The following KCNIP4 variants were observed in gnomAD, a reference collection of about 807,000 sequenced individuals.
KCNIP4 encodes the protein potassium voltage-gated channel interacting protein 4.
A neutral mutation model predicts 34.0 loss-of-function variants in KCNIP4; 12 were observed. The observed-to-expected ratio is 0.35, with a 90% CI of 0.23 to 0.57. KCNIP4 has a LOEUF of 0.57. Ranked by LOEUF, KCNIP4 falls within the 20% of genes least tolerant of loss-of-function variation. The probability of loss-of-function intolerance (pLI) is 0.83; values close to 1 mark genes in which losing one functional copy is unlikely to be tolerated. For synonymous variants in KCNIP4, 124 were observed against 102.2 expected, an observed-to-expected ratio of 1.21 and a Z score of -1.29; for missense variants, 238 against 311.7, an observed-to-expected ratio of 0.76 and a Z score of 1.78.
chr4:21,761,417 T>C (rs1718044251), intron 1 of KCNIP4, among the ~76,000 whole-genome samples: 1 of 152,140 alleles, frequency 6.6e-6, no homozygotes, highest in Non-Finnish European at 1.5e-5. Context: ...GAATTATTTG[T>C]AATTATTCAA....
At chr4:21,782,054 AAAAT>A (rs1719607540) in intron 1 of KCNIP4, among the ~76,000 whole-genome samples, 1 of 150,678 alleles carries the variant, frequency 6.6e-6, no homozygotes, top group Non-Finnish European at 1.5e-5. Context: ...GAGAGAGAGA[AAAAT>A]AAAAAAGCAA....
intron 1 of KCNIP4, among the ~76,000 whole-genome samples, chr4:21,826,652 T>C (rs1370902115): frequency 1.3e-5 from 2 of 152,066 alleles, no homozygotes; most frequent in Non-Finnish European, 2.9e-5. Context: ...GTGAAAAAAA[T>C]AAAGACAAAT....
At chr4:21,452,043 C>T (rs925770216) in intron 1 of KCNIP4, among the ~76,000 whole-genome samples, 6 of 152,012 alleles carry the variant, frequency 3.9e-5, no homozygotes, top group African/African-American at 7.3e-5. Flanking sequence ...TTTCTTCCCC[C>T]CCAACTCCGC....
At chr4:21,786,229 G>C (rs1300375307) in intron 1 of KCNIP4, among the ~76,000 whole-genome samples, 1 of 152,190 alleles carries the variant, frequency 6.6e-6, no homozygotes, top group African/African-American at 2.4e-5. Context: ...TTACAGGCCT[G>C]AGCCACCATG....
intron 1 of KCNIP4, among the ~76,000 whole-genome samples, chr4:21,158,910 A>G (rs1362153273): frequency 6.6e-6 from 1 of 152,216 alleles, no homozygotes; most frequent in Admixed American, 6.5e-5. Flanking sequence ...AAATAATTGC[A>G]TGCAGTGAGA....
chr4:21,121,909 AG>A (rs1459971431), intron 1 of KCNIP4, among the ~76,000 whole-genome samples: 2 of 152,220 alleles, frequency 1.3e-5, no homozygotes, highest in African/African-American at 4.8e-5. Context: ...GTTAAATTGG[AG>A]GCAATGGCCA....
At chr4:21,156,751 A>C (rs1753170717) in intron 1 of KCNIP4, among the ~76,000 whole-genome samples, 1 of 152,132 alleles carries the variant, frequency 6.6e-6, no homozygotes, top group Non-Finnish European at 1.5e-5. Flanking sequence ...TTTTTATATA[A>C]ATTTGTAAAA....
intron 1 of KCNIP4, among the ~76,000 whole-genome samples, chr4:21,247,789 C>CACCACAGGTGGATATATATATATATATAT (rs1760369519): frequency 1.2e-5 from 1 of 86,226 alleles, no homozygotes; most frequent in Non-Finnish European, 2.1e-5. Flanking sequence ...TATATATATA[C>CACCACAGGTGGATATATATATATATATAT]ACCACAGGTG....
intron 1 of KCNIP4, among the ~76,000 whole-genome samples, chr4:21,247,735 G>GATATAT (rs58465908): frequency 0.017 from 1,037 of 61,324 alleles, 31 homozygotes; most frequent in Non-Finnish European, 0.022. Flanking sequence ...TCCACAGGTG[G>GATATAT]ATATATATAT....
intron 1 of KCNIP4, among the ~76,000 whole-genome samples, chr4:21,856,482 G>A (rs965050923): frequency 7.2e-5 from 11 of 152,218 alleles, no homozygotes; most frequent in African/African-American, 2.7e-4. Context: ...CCACCATGGA[G>A]TCAGCAAAAG....
At chr4:21,335,150 GT>G (rs1716051830) in intron 1 of KCNIP4, among the ~76,000 whole-genome samples, 1 of 151,622 alleles carries the variant, frequency 6.6e-6, no homozygotes, top group Non-Finnish European at 1.5e-5. Flanking sequence ...ACACAATTTA[GT>G]AGGAAAAAAA....
intron 1 of KCNIP4, among the ~76,000 whole-genome samples, chr4:20,890,964 C>T (rs1328340122): frequency 6.6e-6 from 1 of 152,098 alleles, no homozygotes; most frequent in Non-Finnish European, 1.5e-5. Flanking sequence ...CAGGAAATGC[C>T]ATCACATGTC....
chr4:21,345,574 C>T (rs1339973428), intron 1 of KCNIP4, among the ~76,000 whole-genome samples: 2 of 152,038 alleles, frequency 1.3e-5, no homozygotes, highest in East Asian at 1.9e-4. Flanking sequence ...AATGGAAACA[C>T]TTTTTAATAA....
At chr4:21,822,811 G>A (rs946626608) in intron 1 of KCNIP4, among the ~76,000 whole-genome samples, 4 of 149,106 alleles carry the variant, frequency 2.7e-5, no homozygotes, top group African/African-American at 7.4e-5. Flanking sequence ...TCTGCCTTCC[G>A]GTTTCAAGAG....
intron 1 of KCNIP4, among the ~76,000 whole-genome samples, chr4:21,726,552 G>A (rs1226671368): frequency 6.6e-6 from 1 of 152,158 alleles, no homozygotes; most frequent in African/African-American, 2.4e-5. Flanking sequence ...GGAGAACATT[G>A]TCATTTAGGC....
At chr4:21,249,141 A>T (rs1224715619) in intron 1 of KCNIP4, among the ~76,000 whole-genome samples, 1 of 152,128 alleles carries the variant, frequency 6.6e-6, no homozygotes, top group African/African-American at 2.4e-5. Context: ...AACAGTAAGA[A>T]GGGGGCTAAT....
At chr4:21,036,795 C>A (rs2149772309) in intron 1 of KCNIP4, among the ~76,000 whole-genome samples, 1 of 152,322 alleles carries the variant, frequency 6.6e-6, no homozygotes, top group South Asian at 2.1e-4. Flanking sequence ...AAAGAATACT[C>A]ATGCAATGCA....
intron 1 of KCNIP4, among the ~76,000 whole-genome samples, chr4:21,288,178 C>T (rs559369871): frequency 2.0e-5 from 3 of 152,282 alleles, no homozygotes; most frequent in East Asian, 1.9e-4. Flanking sequence ...TGCACACACA[C>T]ATCTGTATGA....
intron 1 of KCNIP4, among the ~76,000 whole-genome samples, chr4:20,921,038 G>T (rs1365251729): frequency 6.6e-6 from 1 of 151,996 alleles, no homozygotes; most frequent in African/African-American, 2.4e-5. Flanking sequence ...CAGGATAGAG[G>T]AGGAATTTGA....
Sources: gnomAD v4.1 joint callset for allele counts (sites outside exome capture counted in the v4.1 genomes callset) on GRCh38, gnomAD v4.1.1 for gene constraint, MANE v1.5 for transcripts, NCBI Gene and HGNC (gene_info 2026-07-23, HGNC 2026-07-21) for gene names.